RPAP2: variants seen among roughly 807,000 people sequenced by gnomAD.
The protein encoded by RPAP2 is putative RNA polymerase II subunit B1 CTD phosphatase RPAP2.
RPAP2 carries 52 observed loss-of-function variants against 73.1 expected under a neutral mutation model. The observed-to-expected ratio is 0.71, with a 90% CI of 0.57 to 0.90. The LOEUF (loss-of-function observed/expected upper bound fraction) is 0.90, where lower values mean the gene tolerates loss of function less well. Ranked by LOEUF, RPAP2 falls within the 40% of genes least tolerant of loss-of-function variation. RPAP2 has a pLI of 0.00. For synonymous variants in RPAP2, 225 were observed against 242.1 expected, an observed-to-expected ratio of 0.93 and a Z score of 0.65; for missense variants, 598 against 701.8, an observed-to-expected ratio of 0.85 and a Z score of 1.67.
intron 11 of RPAP2, among the ~76,000 whole-genome samples, chr1:92,368,517 G>A (rs1381841305): frequency 6.6e-6 from 1 of 152,152 alleles, no homozygotes; most frequent in Non-Finnish European, 1.5e-5. Flanking sequence ...TCTGTTGACA[G>A]AATACAAACT....
At chr1:92,317,471 G>A (rs531563177) in intron 6 of RPAP2, among the ~76,000 whole-genome samples, 56 of 152,078 alleles carry the variant, frequency 3.7e-4, no homozygotes, top group Middle Eastern at 3.4e-3. Flanking sequence ...TTGTGCCACT[G>A]CACTCCAGCC....
intron 6 of RPAP2, among the ~76,000 whole-genome samples, chr1:92,315,050 A>G (rs963608581): frequency 6.6e-6 from 1 of 152,208 alleles, no homozygotes; most frequent in Non-Finnish European, 1.5e-5. Flanking sequence ...TCTCAAAATC[A>G]TAAATAAATA....
chr1:92,390,263 T>A lies in RPAP2; in HGVS notation c.*3252T>A, dbSNP rs1419787441. ...ATTCAACATTCTTAAAGAAAAGAAT[T>A]TTCAACCCAGAATCTCATATCCAGC... On this transcript the variant is annotated 3_prime_UTR_variant, in exon 13 of 13. Coordinates refer to ENST00000610020, the MANE Select transcript of RPAP2 (RefSeq NM_024813.3). 2 of 152,162 alleles carry A rather than the reference T, an allele frequency of 1.3e-5. No individual in the cohort carries two copies. The highest frequency in any genetic ancestry group is 4.8e-5 in the African/African-American group (2 of 41,428). 9.4% of individuals were successfully genotyped at this position (152,162 alleles called of 1,614,324 possible).
At chr1:92,327,103 G>T (rs1652679661) in intron 8 of RPAP2, among the ~76,000 whole-genome samples, 1 of 152,192 alleles carries the variant, frequency 6.6e-6, no homozygotes, top group African/African-American at 2.4e-5. Context: ...GTAAATATCT[G>T]TTAAATCCAT....
At chr1:92,322,941 A>G (rs1217086028) in intron 7 of RPAP2, among the ~76,000 whole-genome samples, 3 of 147,544 alleles carry the variant, frequency 2.0e-5, no homozygotes, top group East Asian at 1.9e-4. Context: ...TATACTTTAT[A>G]TATTATATAT....
At chr1:92,348,464 C>G (rs1654029549) in intron 11 of RPAP2, among the ~76,000 whole-genome samples, 2 of 152,156 alleles carry the variant, frequency 1.3e-5, no homozygotes, top group South Asian at 4.2e-4. Context: ...CTAACTTTTG[C>G]TCTAGGCCTT....
intron 1 of RPAP2, 93 bp downstream of exon 1, chr1:92,299,239 C>A: frequency 1.5e-6 from 1 of 670,514 alleles, no homozygotes; most frequent in Non-Finnish European, 2.3e-6. Context: ...TCCTGAAAGG[C>A]TGCTTCAGGG....
intron 11 of RPAP2, among the ~76,000 whole-genome samples, chr1:92,346,461 G>T (rs187802496): frequency 1.8e-4 from 27 of 152,176 alleles, no homozygotes; most frequent in African/African-American, 6.0e-4. Context: ...ACCACACCCA[G>T]CCTGTTATCA....
At chr1:92,344,880 C>A (rs1557614548) in intron 10 of RPAP2, among the ~76,000 whole-genome samples, 1 of 152,006 alleles carries the variant, frequency 6.6e-6, no homozygotes, top group Non-Finnish European at 1.5e-5. Context: ...TCTATAAATT[C>A]CCTGTTCATA....
intron 8 of RPAP2, among the ~76,000 whole-genome samples, chr1:92,324,658 A>G (rs752396671): frequency 1.3e-4 from 20 of 152,184 alleles, no homozygotes; most frequent in Non-Finnish European, 2.8e-4. Flanking sequence ...CTAATTCTTC[A>G]TACAATAAAT....
At chr1:92,361,116 C>CATATATAT (rs10555168) in intron 11 of RPAP2, among the ~76,000 whole-genome samples, 1 of 148,306 alleles carries the variant, frequency 6.7e-6, no homozygotes, top group Non-Finnish European at 1.5e-5. Flanking sequence ...CACACACACA[C>CATATATAT]ATATATATAT....
chr1:92,348,272 C>T (rs1654017364), intron 11 of RPAP2, among the ~76,000 whole-genome samples: 1 of 152,284 alleles, frequency 6.6e-6, no homozygotes, highest in South Asian at 2.1e-4. Flanking sequence ...TTTCGTTATG[C>T]CCTAATCCCT....
chr1:92,359,345 G>A (rs923432883), intron 11 of RPAP2, among the ~76,000 whole-genome samples: 1 of 152,198 alleles, frequency 6.6e-6, no homozygotes, highest in Non-Finnish European at 1.5e-5. Flanking sequence ...ATGAGACAGA[G>A]TTACGCTCTT....
chr1:92,344,239 A>G (rs1325339090), intron 10 of RPAP2, among the ~76,000 whole-genome samples: 4 of 152,012 alleles, frequency 2.6e-5, no homozygotes, highest in Non-Finnish European at 4.4e-5. Context: ...GTGAAAGCCC[A>G]CCTCTACAAA....
intron 11 of RPAP2, among the ~76,000 whole-genome samples, chr1:92,362,423 A>G (rs1471901876): frequency 3.9e-5 from 6 of 152,208 alleles, no homozygotes; most frequent in African/African-American, 1.4e-4. Context: ...ACAAGCCAGA[A>G]TGGTGAAAAA....
intron 6 of RPAP2, among the ~76,000 whole-genome samples, chr1:92,320,019 G>T (rs1181948936): frequency 6.6e-6 from 1 of 151,064 alleles, no homozygotes; most frequent in African/African-American, 2.4e-5. Flanking sequence ...AAAAGAAAAA[G>T]AAAAAGTTAA....
Position 92,323,981 on chromosome 1 carries a change from C to T in RPAP2, c.1061C>T (p.Ser354Leu). The T allele has an allele frequency of 3.1e-6, 5 of 1,614,110 alleles. No individual in the cohort carries two copies. The highest frequency in any genetic ancestry group is 4.2e-6 in the Non-Finnish European group (5 of 1,179,992). Reference protein sequence around the residue: ...SNQVSRSVSSSVQVCPEVGKR... With the variant: ...SNQVSRSVSSLVQVCPEVGKR... ...CAAGTGTCTAGGTCAGTGTCTAGTT[C>T]AGTGCAGGTGTGTCCTGAAGTTGGA... The change falls in exon 8 of 13, where the codon TCA becomes TTA. Residue 354 changes from serine to leucine, a missense_variant. Physicochemically the swap from Ser to Leu is moderately radical, Grantham distance 145 (BLOSUM62 -2). Around this residue, in one of 3 missense-constraint regions of RPAP2, gnomAD observed 506 missense variants for 612.8 expected, o/e 0.83. Transcript: ENST00000610020.
At chr1:92,383,531 AT>A (rs1487626238) in intron 12 of RPAP2, among the ~76,000 whole-genome samples, 4 of 152,312 alleles carry the variant, frequency 2.6e-5, no homozygotes, top group African/African-American at 9.6e-5. Context: ...CTTTGAAGCA[AT>A]TGTGAATGGG....
rs934887933 is a variant in RPAP2, at chr1:92,396,776, G to C, written c.*9765G>C. The stretch of plus-strand genomic sequence containing the variant: ...CTGCCTCAGCTTCCTGAGTAGCTGG[G>C]ATTACAGGCATGTGCCACCATGCCC... On this transcript the variant is annotated 3_prime_UTR_variant, in exon 13 of 13. Coordinates refer to ENST00000610020, the MANE Select transcript of RPAP2 (RefSeq NM_024813.3). 6.6e-6 allele frequency: 1 copy of C among 152,238 alleles called. No individual in the cohort carries two copies. Among genetic ancestry groups the C allele is most frequent in the African/African-American group, 2.4e-5 (1 of 41,406 alleles). 9.4% of individuals were successfully genotyped at this position (152,238 alleles called of 1,614,324 possible). A position where few individuals can be genotyped will look rare whatever the true frequency, so the allele number is the denominator to read the frequency against.
Sources: allele counts gnomAD v4.1 joint callset (sites outside exome capture counted in the v4.1 genomes callset), GRCh38; gene constraint gnomAD v4.1.1; regional missense constraint gnomAD v4.1.1; transcripts MANE v1.5; gene names NCBI Gene and HGNC (gene_info 2026-07-23, HGNC 2026-07-21).